The following RBPJ variants were observed in gnomAD, a reference collection of about 807,000 sequenced individuals.
The protein encoded by RBPJ is recombination signal binding protein for immunoglobulin kappa J region.
A neutral mutation model predicts 67.8 loss-of-function variants in RBPJ; 9 were observed. That is an observed-to-expected ratio of 0.13 (90% CI 0.08 to 0.23). The LOEUF (loss-of-function observed/expected upper bound fraction) is 0.23, where lower values mean the gene tolerates loss of function less well. Ranked by LOEUF, RBPJ falls within the 10% of genes least tolerant of loss-of-function variation. The pLI is 1.00. For synonymous variants in RBPJ, 198 were observed against 203.3 expected (o/e 0.97, Z 0.22); for missense variants, 305 against 595.6 (o/e 0.51, Z 5.08).
intron 1 of RBPJ, among the ~76,000 whole-genome samples, chr4:26,294,739 G>A (rs768036284): frequency 2.6e-5 from 4 of 151,984 alleles, no homozygotes; most frequent in Non-Finnish European, 4.4e-5. Flanking sequence ...AAAATTAGCC[G>A]GGCATGGTGG....
At chr4:26,400,565 A>G (rs11726853) in intron 2 of RBPJ, among the ~76,000 whole-genome samples, 83,071 of 152,060 alleles carry the variant, frequency 0.55, 22,974 homozygotes, top group Admixed American at 0.63. Context: ...GCTCCTTAAG[A>G]TGCAGAAAGT....
At chr4:26,254,194 G>T (rs1296131228) in intron 1 of RBPJ, among the ~76,000 whole-genome samples, 1 of 148,746 alleles carries the variant, frequency 6.7e-6, no homozygotes, top group African/African-American at 2.6e-5. Flanking sequence ...ACTTTCCAAT[G>T]TGTCAATCAA....
chr4:26,255,801 CAAAAAAA>C (rs34958199), intron 1 of RBPJ, among the ~76,000 whole-genome samples: 1 of 75,282 alleles, frequency 1.3e-5, no homozygotes, highest in Admixed American at 1.6e-4. Context: ...GACTCCGTCT[CAAAAAAA>C]AAAAAAAAAA....
chr4:26,222,657 T>TATATATAC (rs1553850671), intron 1 of RBPJ, among the ~76,000 whole-genome samples: 1 of 146,100 alleles, frequency 6.8e-6, no homozygotes, highest in South Asian at 2.1e-4. Context: ...TATATATATA[T>TATATATAC]ACCTATTATG....
At chr4:26,111,694 AGT>A in the RBPJ span, among the ~76,000 whole-genome samples, 1 of 152,232 alleles carries the variant, frequency 6.6e-6, no homozygotes, top group African/African-American at 2.4e-5. Context: ...AAGCCATTGA[AGT>A]GTGTGTGCAG....
chr4:26,289,374 G>A (rs112076600), intron 1 of RBPJ, among the ~76,000 whole-genome samples: 4,611 of 103,100 alleles, frequency 0.045, 370 homozygotes, highest in African/African-American at 0.18. Flanking sequence ...GACAGAGTGA[G>A]ACTTGGTCTC....
rs541177818 is a variant in RBPJ, at chr4:26,430,224, C to T, written c.1044+171C>T. On this transcript the variant is annotated intron_variant, in intron 9 of 10. Transcript: ENST00000355476. The surrounding 1 kb of genome is among the most constrained non-coding windows in gnomAD (Gnocchi z 4.1). ...GAAAAAAAAACAAAATTAGGAGGAGCGTACTTGCCAGAAAATTTAAATGTA... is the reference window on the plus strand; with the variant it reads ...GAAAAAAAAACAAAATTAGGAGGAGTGTACTTGCCAGAAAATTTAAATGTA... 38 of 873,950 alleles carry T rather than the reference C, an allele frequency of 4.3e-5. No homozygotes were observed. In the South Asian group the frequency reaches 5.3e-4, roughly 12 times the overall value. 54.1% of individuals were successfully genotyped at this position (873,950 alleles called of 1,614,324 possible). A position where few individuals can be genotyped will look rare whatever the true frequency, so the allele number is the denominator to read the frequency against.
At chr4:26,226,146 CAA>C (rs35440890) in intron 1 of RBPJ, among the ~76,000 whole-genome samples, 41 of 79,990 alleles carry the variant, frequency 5.1e-4, no homozygotes, top group Non-Finnish European at 4.8e-4. Context: ...GAGACTCTGT[CAA>C]AAAAAAAAAA....
chr4:26,186,501 C>A (rs543593767), intron 1 of RBPJ, among the ~76,000 whole-genome samples: 1 of 152,264 alleles, frequency 6.6e-6, no homozygotes, highest in East Asian at 1.9e-4. Flanking sequence ...ATGTTGCCTG[C>A]CTGTGCCCTG....
intron 1 of RBPJ, among the ~76,000 whole-genome samples, chr4:26,188,810 T>TATGC (rs909493753): frequency 3.5e-4 from 53 of 152,338 alleles, no homozygotes; most frequent in African/African-American, 1.3e-3. Context: ...AGGAATAAAT[T>TATGC]ATGCATGCAT....
intron 1 of RBPJ, among the ~76,000 whole-genome samples, chr4:26,237,371 C>T (rs997100952): frequency 1.8e-4 from 27 of 151,874 alleles, no homozygotes; most frequent in Admixed American, 7.9e-4. Context: ...TCATTATGGT[C>T]GAATAAATTT....
At chr4:26,337,685 T>C (rs1239261501) in intron 1 of RBPJ, among the ~76,000 whole-genome samples, 8 of 37,410 alleles carry the variant, frequency 2.1e-4, no homozygotes, top group African/African-American at 6.3e-4. Context: ...CTTTATCCTT[T>C]TTTTTTTTTT....
At chr4:26,124,783 A>C in the RBPJ span, among the ~76,000 whole-genome samples, 1 of 152,148 alleles carries the variant, frequency 6.6e-6, no homozygotes, top group East Asian at 1.9e-4. Context: ...GTCTGTTTAC[A>C]TCAGCATTAC....
chr4:26,379,271 C>T (rs1462186099), intron 1 of RBPJ, among the ~76,000 whole-genome samples: 1 of 151,898 alleles, frequency 6.6e-6, no homozygotes, highest in Non-Finnish European at 1.5e-5. Context: ...CCTGGTACTC[C>T]TGGGCTCAAG....
In RBPJ at chr4:26,424,668, C is replaced by T; in HGVS notation, c.672C>T (p.Val224=). 6.2e-7 allele frequency: 1 copy of T among 1,613,636 alleles called. No individual in the cohort carries two copies. Among genetic ancestry groups the T allele is most frequent in the Non-Finnish European group, 8.5e-7 (1 of 1,179,644 alleles). ...AATCAGAAGGAGAAGAATTCACAGT[C>T]CGAGATGGCTACATCCATTATGGAC... ...DDESEGEEFT[V]RDGYIHYGQT... Residue 224 remains valine (V), a synonymous_variant, in exon 7 of 11, where the codon GTC becomes GTT. Transcript: ENST00000355476. The surrounding 1 kb of genome is among the most constrained non-coding windows in gnomAD (Gnocchi z 5.3).
intron 1 of RBPJ, among the ~76,000 whole-genome samples, chr4:26,286,440 T>A (rs1577389870): frequency 7.7e-6 from 1 of 130,164 alleles, no homozygotes; most frequent in South Asian, 2.3e-4. Context: ...ACCACTGCAC[T>A]CCAGCCTGTA....
intron 1 of RBPJ, among the ~76,000 whole-genome samples, chr4:26,340,575 TGGGGCCGGGCG>T (rs894333730): frequency 2.0e-5 from 3 of 151,922 alleles, no homozygotes; most frequent in Non-Finnish European, 4.4e-5. Context: ...TGCAGCATAT[TGGGGCCGGGCG>T]GGGTAGCTCA....
intron 1 of RBPJ, among the ~76,000 whole-genome samples, chr4:26,270,355 G>GAGAAAGAAAGAGAA (rs1720839293): frequency 1.9e-5 from 1 of 52,046 alleles, no homozygotes. Flanking sequence ...GAGAGAGCAA[G>GAGAAAGAAAGAGAA]AGAAAGAAAG....
At chr4:26,320,872 C>T (rs1025344304), upstream of RBPJ, 28 of 1,576,494 alleles carry the variant, frequency 1.8e-5, no homozygotes, top group Non-Finnish European at 2.2e-5. Flanking sequence ...CGGCGCGAGG[C>T]GTCTGGCTCT....
Sources: allele counts gnomAD v4.1 joint callset (sites outside exome capture counted in the v4.1 genomes callset), GRCh38; gene constraint gnomAD v4.1.1; non-coding constraint Gnocchi (gnomAD v3.1); transcripts MANE v1.5; gene names NCBI Gene and HGNC (gene_info 2026-07-23, HGNC 2026-07-21).